The following MRAS variants were observed in gnomAD, a reference collection of about 807,000 sequenced individuals.
MRAS encodes muscle RAS oncogene homolog.
Under a neutral mutation model 20.9 loss-of-function variants are expected in MRAS, and 4 were observed. The ratio of observed to expected loss-of-function variants is 0.19; its 90% CI spans 0.09 to 0.44. The LOEUF is 0.44. MRAS is among the 20% of genes least tolerant of loss of function. The pLI is 0.99. For missense variants in MRAS, 154 were observed against 277.5 expected (o/e 0.56, Z 3.16); for synonymous variants, 98 against 102.9 (o/e 0.95, Z 0.29).
intron 2 of MRAS, among the ~76,000 whole-genome samples, chr3:138,384,257 C>T (rs1041506805): frequency 1.3e-5 from 2 of 152,146 alleles, no homozygotes; most frequent in East Asian, 1.9e-4. Flanking sequence ...TATCCTGCTG[C>T]GCTCCTGGCC....
At chr3:138,371,473 C>T (rs762202593) in intron 1 of MRAS, among the ~76,000 whole-genome samples, 60 of 152,294 alleles carry the variant, frequency 3.9e-4, no homozygotes, top group Non-Finnish European at 2.2e-4. Flanking sequence ...TCCCAAGTAG[C>T]GGCGGAGCAC....
chr3:138,391,191 CTTGAT>C (rs1480318292), intron 2 of MRAS, among the ~76,000 whole-genome samples: 2 of 152,094 alleles, frequency 1.3e-5, no homozygotes, highest in Non-Finnish European at 1.5e-5. Context: ...TTTCTAGCCT[CTTGAT>C]TTAAGTGTTT....
At chr3:138,395,951 C>T (rs2055226867) in intron 2 of MRAS, among the ~76,000 whole-genome samples, 1 of 152,212 alleles carries the variant, frequency 6.6e-6, no homozygotes, top group African/African-American at 2.4e-5. Flanking sequence ...ACAGACCTGC[C>T]GTTACCCCTG....
intron 1 of MRAS, among the ~76,000 whole-genome samples, chr3:138,356,904 G>T (rs986593775): frequency 6.6e-6 from 1 of 151,022 alleles, no homozygotes; most frequent in African/African-American, 2.4e-5. Context: ...CCGTCCCCCC[G>T]TCCCACCCAC....
intron 1 of MRAS, among the ~76,000 whole-genome samples, chr3:138,354,072 G>A (rs1159086676): frequency 2.0e-5 from 3 of 152,204 alleles, no homozygotes; most frequent in Non-Finnish European, 4.4e-5. Flanking sequence ...CTCATGAGGA[G>A]CAGGGATGGA....
chr3:138,358,344 A>AC (rs1041871978), intron 1 of MRAS, among the ~76,000 whole-genome samples: 2 of 152,138 alleles, frequency 1.3e-5, no homozygotes, highest in African/African-American at 4.8e-5. Flanking sequence ...CAAAAAAAAA[A>AC]ACAAAGATAT....
In MRAS at chr3:138,368,718, T is replaced by TC. The variant is rs528255869; in HGVS notation, c.-18-4146dup. Among the ~76,000 whole-genome samples the TC allele has an allele frequency of 1.1e-3, 167 of 152,338 alleles. 1 individual carries two copies. Among genetic ancestry groups the TC allele is most frequent in the Non-Finnish European group, 2.0e-3 (137 of 68,030 alleles). Reference sequence around the variant, plus strand: ...GGTGTTGTGAATGTCAGCAGTTTGCTCCTTACCCACCAACCAACCAACTTT... The same window carrying TC: ...GGTGTTGTGAATGTCAGCAGTTTGCTCCCTTACCCACCAACCAACCAACTTT... On this transcript the variant is annotated intron_variant, in intron 1 of 5. Coordinates refer to ENST00000423968, the MANE Select transcript of MRAS (RefSeq NM_001085049.3).
rs192989073 is a variant in MRAS, at chr3:138,380,207, T to G, written c.193+7131T>G. The stretch of plus-strand genomic sequence containing the variant: ...AAATCAGAATTTTATTTTATTTTGC[T>G]AATGAGTTGTTTGAGTTTCTTATAT... On this transcript the variant is annotated intron_variant, in intron 2 of 5. Coordinates refer to ENST00000423968, the MANE Select transcript of MRAS (RefSeq NM_001085049.3). 2.6e-3 allele frequency among the ~76,000 whole-genome samples: 402 copies of G among 152,336 alleles called. 1 individual carries two copies. The highest frequency in any genetic ancestry group is 9.3e-3 in the African/African-American group (385 of 41,584).
Position 138,372,182 on chromosome 3 carries a change from C to T in MRAS, c.-18-684C>T, listed in dbSNP as rs577209112. On this transcript the variant is annotated intron_variant, in intron 1 of 5. Transcript: ENST00000423968. ...AAATATCTCTAGACATTGCAAATATCCCTGGGGAGCAAAATTCCCCTGACT... is the reference window on the plus strand; with the variant it reads ...AAATATCTCTAGACATTGCAAATATTCCTGGGGAGCAAAATTCCCCTGACT... 5.0e-4 allele frequency among the ~76,000 whole-genome samples: 76 copies of T among 152,108 alleles called. 1 individual carries two copies. The highest frequency in any genetic ancestry group is 6.8e-4 in the Non-Finnish European group (46 of 68,036).
intron 4 of MRAS, chr3:138,400,169 G>C (rs923268830): frequency 1.4e-4 from 26 of 186,888 alleles, no homozygotes; most frequent in African/African-American, 6.2e-4. Context: ...AGGGACAGAA[G>C]TCATCCCAAG....
chr3:138,366,547 C>T (rs1242261079), intron 1 of MRAS, among the ~76,000 whole-genome samples: 2 of 152,186 alleles, frequency 1.3e-5, no homozygotes, highest in Non-Finnish European at 2.9e-5. Context: ...GGCCCTGGGC[C>T]AGCCTCTGAG....
chr3:138,381,303 CT>C (rs2054898370), intron 2 of MRAS, among the ~76,000 whole-genome samples: 1 of 152,198 alleles, frequency 6.6e-6, no homozygotes, highest in African/African-American at 2.4e-5. Context: ...TGCTAAGCCC[CT>C]CACTTTACAA....
intron 1 of MRAS, among the ~76,000 whole-genome samples, chr3:138,354,774 A>G (rs562324626): frequency 4.6e-5 from 7 of 152,210 alleles, no homozygotes; most frequent in East Asian, 1.9e-4. Context: ...TGACAATGAT[A>G]ACAAAATGCT....
At chr3:138,379,549 G>A (rs2054856930) in intron 2 of MRAS, among the ~76,000 whole-genome samples, 1 of 151,968 alleles carries the variant, frequency 6.6e-6, no homozygotes, top group African/African-American at 2.4e-5. Context: ...GTAGAGATGG[G>A]GTTTCACCAT....
chr3:138,399,976 A>G (rs2055325614), intron 4 of MRAS, among the ~76,000 whole-genome samples: 1 of 152,232 alleles, frequency 6.6e-6, no homozygotes, highest in Non-Finnish European at 1.5e-5. Flanking sequence ...TTGAACGTGC[A>G]GACAAAAACC....
At chr3:138,354,230 A>G (rs189782994) in intron 1 of MRAS, among the ~76,000 whole-genome samples, 1 of 150,850 alleles carries the variant, frequency 6.6e-6, no homozygotes, top group East Asian at 1.9e-4. Flanking sequence ...TCATTTGTGC[A>G]CTTTTTTTTT....
intron 1 of MRAS, among the ~76,000 whole-genome samples, chr3:138,352,632 T>G (rs546221394): frequency 6.6e-6 from 1 of 152,304 alleles, no homozygotes; most frequent in African/African-American, 2.4e-5. Flanking sequence ...TCATCACCGG[T>G]TGCTGAAGTG....
intron 2 of MRAS, among the ~76,000 whole-genome samples, chr3:138,385,634 G>A (rs1166131019): frequency 6.6e-6 from 1 of 151,884 alleles, no homozygotes; most frequent in Non-Finnish European, 1.5e-5. Flanking sequence ...TCCTGCCTCA[G>A]CCTCCTGAGT....
At chr3:138,383,743 G>C (rs1707450321) in intron 2 of MRAS, among the ~76,000 whole-genome samples, 1 of 152,178 alleles carries the variant, frequency 6.6e-6, no homozygotes. Context: ...TGGGCTCTGA[G>C]GACATAGCAA....
Sources: allele counts gnomAD v4.1 joint callset (sites outside exome capture counted in the v4.1 genomes callset), GRCh38; gene constraint gnomAD v4.1.1; transcripts MANE v1.5; gene names NCBI Gene and HGNC (gene_info 2026-07-23, HGNC 2026-07-21).